The following PCNX1 variants were observed in gnomAD, a reference collection of about 807,000 sequenced individuals.
PCNX1 encodes pecanex-like protein 1.
In PCNX1, 78 loss-of-function variants were observed where a neutral mutation model predicts 242.2. The ratio of observed to expected loss-of-function variants is 0.32; its 90% CI spans 0.27 to 0.39. The LOEUF (loss-of-function observed/expected upper bound fraction) is 0.39, where lower values mean the gene tolerates loss of function less well. Ranked by LOEUF, PCNX1 falls within the 10% of genes least tolerant of loss-of-function variation. PCNX1 has a pLI of 1.00. For missense variants in PCNX1, 2,581 were observed against 2,856.5 expected (o/e 0.90, Z 2.20); for synonymous variants, 1,024 against 1,032.9 (o/e 0.99, Z 0.17).
intron 2 of PCNX1, among the ~76,000 whole-genome samples, chr14:70,948,931 A>G (rs528116873): frequency 5.4e-5 from 8 of 146,796 alleles, no homozygotes; most frequent in Non-Finnish European, 9.0e-5. Flanking sequence ...GTATATATGT[A>G]CATATATGTA....
intron 30 of PCNX1, among the ~76,000 whole-genome samples, chr14:71,090,659 G>T (rs1485607517): frequency 6.6e-6 from 1 of 152,176 alleles, no homozygotes; most frequent in East Asian, 1.9e-4. Flanking sequence ...TAATTCTTCA[G>T]ATTAAAATGT....
At chr14:71,029,083 A>C (rs929553004) in intron 16 of PCNX1, among the ~76,000 whole-genome samples, 2 of 152,176 alleles carry the variant, frequency 1.3e-5, no homozygotes, top group Non-Finnish European at 1.5e-5. Context: ...TAGTAATTAC[A>C]GAATATGAAA....
intron 26 of PCNX1, among the ~76,000 whole-genome samples, chr14:71,067,220 C>T (rs185466927): frequency 2.6e-5 from 4 of 152,084 alleles, no homozygotes; most frequent in South Asian, 2.1e-4. Flanking sequence ...TGGTAGAATT[C>T]GGCTGTGAAT....
chr14:71,088,673 C>T (rs1346987895), intron 29 of PCNX1, among the ~76,000 whole-genome samples: 1 of 152,144 alleles, frequency 6.6e-6, no homozygotes, highest in Non-Finnish European at 1.5e-5. Context: ...GAATTTAAGA[C>T]ATTTTAAAAT....
chr14:71,066,561 C>G (rs1354593010), intron 26 of PCNX1, among the ~76,000 whole-genome samples: 1 of 152,176 alleles, frequency 6.6e-6, no homozygotes, highest in Non-Finnish European at 1.5e-5. Flanking sequence ...CAAACAGAGA[C>G]AATTTGACTT....
rs2061002544 is a variant in PCNX1 at position 71,050,668 on chromosome 14, A to G, written c.4355A>G (p.Tyr1452Cys). 1.2e-6 allele frequency: 2 copies of G among 1,602,086 alleles called. No individual in the cohort carries two copies. Among genetic ancestry groups the G allele is most frequent in the Non-Finnish European group, 1.7e-6 (2 of 1,175,040 alleles). ...CTCCTGCAGCTTTGGGAACTACTTT[A>G]TAAATTGCAGTTTGTGTATACCTAT... The part of the protein sequence containing the change: ...ILFNKLWELL[Y>C]KLQFVYTYIA... Residue 1452 changes from tyrosine to cysteine, a missense_variant, in exon 23 of 36, where the codon TAT becomes TGT. By Grantham distance (194) the Tyr-to-Cys change is radical. Transcript: ENST00000304743.
chr14:70,949,269 G>GCACACACGTGTGTA (rs2057651445), intron 2 of PCNX1, among the ~76,000 whole-genome samples: 1 of 27,840 alleles, frequency 3.6e-5, no homozygotes, highest in African/African-American at 9.9e-5. Flanking sequence ...ACACGTGTAT[G>GCACACACGTGTGTA]CACACACGTG....
At chr14:70,951,370 C>T (rs539168992) in intron 2 of PCNX1, among the ~76,000 whole-genome samples, 9 of 151,248 alleles carry the variant, frequency 6.0e-5, no homozygotes, top group Admixed American at 4.6e-4. Flanking sequence ...TTTTGGGGGG[C>T]GGGGGTTGGT....
At chr14:71,076,162 C>CTTT in intron 27 of PCNX1, 27 bp from the exon 28 acceptor site, 3 of 1,167,466 alleles carry the variant, frequency 2.6e-6, no homozygotes, top group Non-Finnish European at 3.7e-6. Context: ...AATCTGAATT[C>CTTT]TTTTTTTTTT....
At chr14:71,092,349 T>C (rs1428897562) in intron 30 of PCNX1, among the ~76,000 whole-genome samples, 1 of 152,180 alleles carries the variant, frequency 6.6e-6, no homozygotes, top group African/African-American at 2.4e-5. Flanking sequence ...TGAACACTAA[T>C]GTTATTCAAG....
At chr14:71,101,029 G>A (rs917558302) in intron 30 of PCNX1, among the ~76,000 whole-genome samples, 6 of 152,112 alleles carry the variant, frequency 3.9e-5, no homozygotes, top group Admixed American at 3.3e-4. Context: ...CATTATTTAT[G>A]TATACAGTAT....
intron 26 of PCNX1, among the ~76,000 whole-genome samples, chr14:71,059,018 T>A (rs1326916014): frequency 6.6e-6 from 1 of 152,194 alleles, no homozygotes; most frequent in African/African-American, 2.4e-5. Flanking sequence ...TTTAGCTTCC[T>A]TTTTAAGTTT....
intron 12 of PCNX1, among the ~76,000 whole-genome samples, chr14:71,021,436 T>TG (rs1212388459): frequency 6.6e-6 from 1 of 152,112 alleles, no homozygotes; most frequent in Non-Finnish European, 1.5e-5. Flanking sequence ...CTTATTTCCT[T>TG]AGCAGTGGTT....
At chr14:70,924,490 T>TTTC (rs1451282942) in intron 1 of PCNX1, among the ~76,000 whole-genome samples, 4 of 152,216 alleles carry the variant, frequency 2.6e-5, no homozygotes, top group Admixed American at 2.6e-4. Context: ...TTTCTTTAGT[T>TTTC]TTCACTTAAT....
Position 71,026,814 on chromosome 14 carries a change from T to A in PCNX1, c.3398T>A (p.Leu1133Gln), listed in dbSNP as rs1382727727. 1.9e-6 allele frequency: 3 copies of A among 1,583,268 alleles called. No homozygotes were observed. In the South Asian group the frequency reaches 3.3e-5, roughly 18 times the overall value. Residue 1133 changes from leucine (L) to glutamine (Q), a missense_variant, in exon 15 of 36, where the codon CTG becomes CAG. This residue lies in a region of PCNX1 where 432 missense variants were observed against 443.1 expected (regional missense o/e 0.97). Transcript: ENST00000304743. ...CCAATAGTGTTTTTCATTGGTCTCC[T>A]GCCTCAGGTGAATACATTTGTAATG... ...CFPIVFFIGL[L>Q]PQVNTFVMYL...
intron 33 of PCNX1, among the ~76,000 whole-genome samples, chr14:71,107,028 A>G (rs1445510199): frequency 6.6e-6 from 1 of 152,056 alleles, no homozygotes; most frequent in East Asian, 1.9e-4. Flanking sequence ...CCCTGTCCCT[A>G]GGCCCTCAAA....
intron 1 of PCNX1, among the ~76,000 whole-genome samples, chr14:70,926,663 A>G (rs1425151420): frequency 3.3e-5 from 5 of 152,150 alleles, no homozygotes; most frequent in Non-Finnish European, 7.4e-5. Flanking sequence ...CGGTGCCCAC[A>G]GCGAGGAACA....
chr14:71,057,651 C>G lies in PCNX1; in HGVS notation c.4779C>G (p.Leu1593=). 2 of 1,613,992 alleles carry G rather than the reference C, an allele frequency of 1.2e-6. No individual in the cohort carries two copies. The highest frequency in any genetic ancestry group is 1.7e-6 in the Non-Finnish European group (2 of 1,179,888). ...GDCFILASDY[L]NALVHLIEIG... ...GTTTCATCCTTGCCTCTGACTATCT[C>G]AATGCATTAGTACACCTTATAGAGA... The change falls in exon 26 of 36, where the codon CTC becomes CTG. Residue 1593 remains leucine, a synonymous_variant. Coordinates refer to ENST00000304743, the MANE Select transcript of PCNX1 (RefSeq NM_014982.3).
At chr14:70,908,586 G>C (rs1301196436) in intron 1 of PCNX1, among the ~76,000 whole-genome samples, 1 of 152,234 alleles carries the variant, frequency 6.6e-6, no homozygotes, top group African/African-American at 2.4e-5. Flanking sequence ...GGGGTCCTGG[G>C]TGGTGGCTGA....
Sources: gnomAD v4.1 joint callset for allele counts (sites outside exome capture counted in the v4.1 genomes callset) on GRCh38, gnomAD v4.1.1 for gene constraint, gnomAD v4.1.1 regional missense constraint, MANE v1.5 for transcripts, NCBI Gene and HGNC (gene_info 2026-07-23, HGNC 2026-07-21) for gene names.